Variants in ZKSCAN5 observed in about 807,000 individuals in gnomAD.
ZKSCAN5 encodes zinc finger with KRAB and SCAN domains 5, also known as zinc finger protein with KRAB and SCAN domains 5.
In ZKSCAN5, 28 loss-of-function variants were observed where a neutral mutation model predicts 60.0. The observed-to-expected ratio is 0.47, with a 90% CI of 0.35 to 0.64. The LOEUF (loss-of-function observed/expected upper bound fraction) is 0.64, where lower values mean the gene tolerates loss of function less well. Ranked by LOEUF, ZKSCAN5 falls within the 30% of genes least tolerant of loss-of-function variation. The pLI, the probability that ZKSCAN5 is intolerant of heterozygous loss-of-function variation, is 0.01. For synonymous variants in ZKSCAN5, 361 were observed against 371.2 expected (o/e 0.97, Z 0.31); for missense variants, 881 against 1,034.6 (o/e 0.85, Z 2.04).
At chr7:99,509,252 G>A (rs1348970314) in intron 2 of ZKSCAN5, among the ~76,000 whole-genome samples, 3 of 152,148 alleles carry the variant, frequency 2.0e-5, no homozygotes, top group Non-Finnish European at 4.4e-5. Context: ...GCCTTCCAAA[G>A]TGGTGGGATT....
At chr7:99,505,965 C>T (rs951733623) in intron 1 of ZKSCAN5, 40 bp from the exon 2 acceptor site, 54 of 1,513,370 alleles carry the variant, frequency 3.6e-5, no homozygotes, top group Non-Finnish European at 4.7e-5. Context: ...TGAAAGTGTC[C>T]TTCAGAAGAT....
chr7:99,509,871 G>T (rs1800938707), intron 2 of ZKSCAN5, among the ~76,000 whole-genome samples: 2 of 152,130 alleles, frequency 1.3e-5, no homozygotes, highest in Non-Finnish European at 1.5e-5. Context: ...AATAAGCATT[G>T]TGTCTGTCAT....
In ZKSCAN5 at chr7:99,532,225, A is replaced by C; in HGVS notation, c.2496A>C (p.Leu832Phe). The change falls in exon 7 of 7, where the codon TTA (leucine) becomes TTC (phenylalanine). Residue 832 changes from leucine to phenylalanine, a missense_variant. Transcript: ENST00000326775. ...AGAGGACAGATCCCATAAATACCTTAAGTGTAGAGGGGTCTCTGTTGTAGA... is the reference window on the plus strand; with the variant it reads ...AGAGGACAGATCCCATAAATACCTTCAGTGTAGAGGGGTCTCTGTTGTAGA... ...SHERTDPINT[L>F]SVEGSLL The C allele has an allele frequency of 6.2e-7, 1 of 1,600,442 alleles. No individual in the cohort carries two copies. The highest frequency in any genetic ancestry group is 8.5e-7 in the Non-Finnish European group (1 of 1,175,204).
intron 2 of ZKSCAN5, among the ~76,000 whole-genome samples, chr7:99,511,713 G>A (rs1801036400): frequency 3.3e-5 from 1 of 29,918 alleles, no homozygotes; most frequent in Non-Finnish European, 7.4e-5. Context: ...AAAGTGTTGA[G>A]ATTATAGGCA....
Position 99,532,474 on chromosome 7 carries a change from A to G in ZKSCAN5, c.*225A>G, listed in dbSNP as rs73711301. The G allele has an allele frequency of 8.0e-3, 3,262 of 405,864 alleles. 87 individuals carry two copies. Among genetic ancestry groups the G allele is most frequent in the African/African-American group, 0.06 (2,920 of 48,778 alleles). The allele number at this position is 405,864 out of a possible 1,614,324, so 25.1% of individuals were successfully genotyped here. ...CTTTAGTTAGCATCTTCATGCTTGG[A>G]AATCTAGACAAGAAGAGAATCCATG... On this transcript the variant is annotated 3_prime_UTR_variant, in exon 7 of 7. Coordinates refer to ENST00000326775, the MANE Select transcript of ZKSCAN5 (RefSeq NM_145102.4).
chr7:99,515,983 C>CTCATCTTTGCT (rs1801249287), intron 3 of ZKSCAN5, among the ~76,000 whole-genome samples: 1 of 151,834 alleles, frequency 6.6e-6, no homozygotes, highest in Admixed American at 6.6e-5. Flanking sequence ...TCTGAGCCAT[C>CTCATCTTTGCT]TCATCTTTGC....
intron 6 of ZKSCAN5, among the ~76,000 whole-genome samples, chr7:99,527,335 C>T (rs957982352): frequency 3.9e-5 from 6 of 152,096 alleles, no homozygotes; most frequent in Admixed American, 1.3e-4. Flanking sequence ...AGTGAGACTT[C>T]TCAAATAACA....
chr7:99,505,777 C>G, intron 1 of ZKSCAN5: 1 of 340,072 alleles, frequency 2.9e-6, no homozygotes, highest in Non-Finnish European at 5.6e-6. Flanking sequence ...CTCTTTTACA[C>G]TTTTAAAATG....
intron 5 of ZKSCAN5, among the ~76,000 whole-genome samples, chr7:99,522,672 A>G (rs889207017): frequency 6.6e-6 from 1 of 151,572 alleles, no homozygotes; most frequent in South Asian, 2.1e-4. Context: ...TTTTTAGTAG[A>G]GATGAGGTTT....
intron 6 of ZKSCAN5, among the ~76,000 whole-genome samples, chr7:99,530,412 T>A (rs1801990782): frequency 6.6e-6 from 1 of 152,170 alleles, no homozygotes; most frequent in East Asian, 1.9e-4. Context: ...ACCTTCCTGA[T>A]GATTAGTGAT....
At position 99,531,317 on chromosome 7, in the gene ZKSCAN5, A is replaced by G. The variant is rs747871194; in HGVS notation, c.1588A>G (p.Met530Val). The change falls in exon 7 of 7, where the codon ATG (methionine) becomes GTG (valine). Residue 530 changes from methionine (M) to valine (V), a missense_variant. Coordinates refer to ENST00000326775, the MANE Select transcript of ZKSCAN5 (RefSeq NM_145102.4). ...EILGQPSSKR[M>V]NYSEVPYVHK... is the part of the protein sequence containing the mutation. ...ACTAGGACAACCATCTTCAAAGAGGATGAACTACAGTGAAGTCCCATATGT... is the reference window on the plus strand; with the variant it reads ...ACTAGGACAACCATCTTCAAAGAGGGTGAACTACAGTGAAGTCCCATATGT... 2 of 1,614,088 alleles carry G rather than the reference A, an allele frequency of 1.2e-6. No individual in the cohort carries two copies. The highest frequency in any genetic ancestry group is 1.7e-6 in the Non-Finnish European group (2 of 1,180,038).
At chr7:99,506,831 C>T (rs1370810493) in intron 2 of ZKSCAN5, among the ~76,000 whole-genome samples, 1 of 151,658 alleles carries the variant, frequency 6.6e-6, no homozygotes, top group African/African-American at 2.4e-5. Flanking sequence ...TGCAGGCGTC[C>T]GCCACCAGGC....
intron 2 of ZKSCAN5, among the ~76,000 whole-genome samples, chr7:99,507,664 C>T (rs1800831970): frequency 6.6e-6 from 1 of 151,318 alleles, no homozygotes; most frequent in African/African-American, 2.4e-5. Context: ...TTTTGGGCAC[C>T]TGAGGTGGGA....
Position 99,526,141 on chromosome 7 carries a change from C to T in ZKSCAN5, c.1101C>T (p.Ile367=). The T allele has an allele frequency of 6.2e-6, 10 of 1,614,198 alleles. No individual in the cohort carries two copies. The highest frequency in any genetic ancestry group is 8.5e-6 in the Non-Finnish European group (10 of 1,180,040). The change falls in exon 6 of 7, where the codon ATC becomes ATT. Residue 367 remains isoleucine (I), a synonymous_variant. Transcript: ENST00000326775. ...CAAACTTTATTCAGCATCGGCGCAT[C>T]CACACTGGAGAAAAACCGTTTAAGT... The part of the protein sequence containing the change: ...QASNFIQHRR[I]HTGEKPFKCG...
chr7:99,506,016 C>G lies in ZKSCAN5; in HGVS notation c.-29C>G. On this transcript the variant is annotated 5_prime_UTR_variant, in exon 2 of 7. Transcript: ENST00000326775. The stretch of plus-strand genomic sequence containing the variant: ...AACAATTGTTTCAGTGTAACACAGC[C>G]AGCCTCGAAGACTTCCCTCTGAGTT... 1 of 1,601,804 alleles carries G rather than the reference C, an allele frequency of 6.2e-7. No individual in the cohort carries two copies. Among genetic ancestry groups the G allele is most frequent in the Non-Finnish European group, 8.5e-7 (1 of 1,172,818 alleles).
chr7:99,523,655 A>G (rs1801646205), intron 5 of ZKSCAN5, among the ~76,000 whole-genome samples: 1 of 151,974 alleles, frequency 6.6e-6, no homozygotes, highest in African/African-American at 2.4e-5. Flanking sequence ...ACCAGTAGAT[A>G]TGAATAAAAG....
chr7:99,513,986 A>G (rs866116437), intron 3 of ZKSCAN5, among the ~76,000 whole-genome samples: 2 of 152,196 alleles, frequency 1.3e-5, no homozygotes, highest in Non-Finnish European at 2.9e-5. Flanking sequence ...CAAAGGTTGC[A>G]GTGAGCTGAG....
intron 5 of ZKSCAN5, among the ~76,000 whole-genome samples, chr7:99,522,020 T>G (rs1444294768): frequency 1.3e-5 from 2 of 152,200 alleles, no homozygotes; most frequent in African/African-American, 4.8e-5. Context: ...TATGGTATTC[T>G]CTAAGCAGTT....
intron 4 of ZKSCAN5, 95 bp downstream of exon 4, chr7:99,520,004 T>C (rs1801454691): frequency 6.6e-7 from 1 of 1,526,326 alleles, no homozygotes; most frequent in Non-Finnish European, 9.0e-7. Flanking sequence ...CATCTTGGGT[T>C]GGTACCTTCA....
Sources: allele counts gnomAD v4.1 joint callset (sites outside exome capture counted in the v4.1 genomes callset), GRCh38; gene constraint gnomAD v4.1.1; transcripts MANE v1.5; gene names NCBI Gene and HGNC (gene_info 2026-07-23, HGNC 2026-07-21).